The following AGBL2 variants were observed in gnomAD, a reference collection of about 807,000 sequenced individuals.
AGBL2 encodes the protein AGBL carboxypeptidase 2, also known as cytosolic carboxypeptidase 2.
In AGBL2, 87 loss-of-function variants were observed where a neutral mutation model predicts 103.0. That is an observed-to-expected ratio of 0.84 (90% confidence interval 0.71 to 1.01). The LOEUF is 1.01. Among genes scored for constraint, AGBL2 ranks in the 50% least tolerant of loss-of-function variants. The probability of loss-of-function intolerance (pLI) is 0.00; values close to 1 mark genes in which losing one functional copy is unlikely to be tolerated. For synonymous variants in AGBL2, 335 were observed against 356.7 expected, an observed-to-expected ratio of 0.94 and a Z score of 0.69; for missense variants, 904 against 1,023.5, an observed-to-expected ratio of 0.88 and a Z score of 1.59.
In AGBL2 at chr11:47,680,089, A is replaced by AC. The variant is rs775357808; in HGVS notation, c.1916-17dup. The AC allele has an allele frequency of 2.2e-4, 291 of 1,349,190 alleles. No homozygotes were observed. The highest frequency in any genetic ancestry group is 2.8e-4 in the Non-Finnish European group (273 of 961,078). The allele number at this position is 1,349,190 out of a possible 1,614,324, so 83.6% of individuals were successfully genotyped here. On this transcript the variant is annotated splice_polypyrimidine_tract_variant and intron_variant, in intron 12 of 18. Transcript: ENST00000525123. ...CTTTTATTACCTGGAAAAAAAAAAAACCCCGCAAACATTTCCAATTAAATC... is the reference window on the plus strand; with the variant it reads ...CTTTTATTACCTGGAAAAAAAAAAAACCCCCGCAAACATTTCCAATTAAATC...
intron 11 of AGBL2, among the ~76,000 whole-genome samples, chr11:47,682,378 G>A (rs2153803708): frequency 6.6e-6 from 1 of 152,244 alleles, no homozygotes; most frequent in Admixed American, 6.6e-5. Flanking sequence ...CTTCCAAAGG[G>A]AAGAGAGTAT....
intron 10 of AGBL2, 76 bp downstream of exon 10, chr11:47,690,000 A>G (rs560602253): frequency 3.1e-5 from 41 of 1,328,076 alleles, no homozygotes; most frequent in Non-Finnish European, 4.1e-5. Context: ...AAGAGACCTC[A>G]TACCCCATCA....
chr11:47,705,943 T>C, intron 4 of AGBL2, 26 bp from the exon 5 acceptor site: 2 of 1,607,986 alleles, frequency 1.2e-6, no homozygotes, highest in Non-Finnish European at 1.7e-6. Context: ...GGAGGCACCC[T>C]TGGTGTCAGG....
chr11:47,707,420 A>G (rs532737332), intron 4 of AGBL2, among the ~76,000 whole-genome samples: 1 of 152,272 alleles, frequency 6.6e-6, no homozygotes, highest in African/African-American at 2.4e-5. Context: ...GGCAGAAGGC[A>G]AGGAGGAGCA....
At chr11:47,694,833 G>T (rs2097460990) in intron 8 of AGBL2, among the ~76,000 whole-genome samples, 1 of 152,154 alleles carries the variant, frequency 6.6e-6, no homozygotes, top group South Asian at 2.1e-4. Flanking sequence ...GGGGAATGGG[G>T]AATAGTAAGT....
chr11:47,694,046 A>G (rs1203610293), intron 8 of AGBL2, among the ~76,000 whole-genome samples: 1 of 152,082 alleles, frequency 6.6e-6, no homozygotes, highest in Non-Finnish European at 1.5e-5. Context: ...CAAAAAATAC[A>G]AAAGTTAGCT....
At chr11:47,683,770 C>CAAAAAAAAA (rs1221104232) in intron 11 of AGBL2, among the ~76,000 whole-genome samples, 1 of 127,570 alleles carries the variant, frequency 7.8e-6, no homozygotes. Flanking sequence ...GACTCCATCT[C>CAAAAAAAAA]AAAAAAAAAA....
At chr11:47,711,734 C>A (rs1327380446) in intron 3 of AGBL2, among the ~76,000 whole-genome samples, 1 of 152,104 alleles carries the variant, frequency 6.6e-6, no homozygotes, top group African/African-American at 2.4e-5. Flanking sequence ...AGGGTTTTGC[C>A]ATGTTGGCCA....
intron 10 of AGBL2, among the ~76,000 whole-genome samples, chr11:47,689,369 C>T (rs2097436242): frequency 6.8e-6 from 1 of 147,978 alleles, no homozygotes; most frequent in East Asian, 2.0e-4. Flanking sequence ...CAGTGGCACG[C>T]TCTTGGCTCA....
chr11:47,703,933 A>AC (rs2097507627), intron 7 of AGBL2, among the ~76,000 whole-genome samples: 2 of 137,300 alleles, frequency 1.5e-5, no homozygotes, highest in African/African-American at 2.5e-5. Context: ...CTCAAAAAAA[A>AC]AAAAAAACAA....
chr11:47,694,150 T>C (rs1183479847), intron 8 of AGBL2, among the ~76,000 whole-genome samples: 1 of 152,022 alleles, frequency 6.6e-6, no homozygotes, highest in African/African-American at 2.4e-5. Flanking sequence ...TGATTTGTGA[T>C]TTTTCCACTG....
chr11:47,676,007 G>GA (rs905545011), intron 14 of AGBL2, among the ~76,000 whole-genome samples: 6 of 151,446 alleles, frequency 4.0e-5, no homozygotes, highest in African/African-American at 1.2e-4. Context: ...CCTGTCTCAA[G>GA]AAAAAAAAGT....
chr11:47,692,766 T>A (rs1045897871), intron 8 of AGBL2, among the ~76,000 whole-genome samples: 2 of 151,840 alleles, frequency 1.3e-5, no homozygotes, highest in Non-Finnish European at 2.9e-5. Flanking sequence ...ATATCTAGAA[T>A]CCACTGCCAC....
chr11:47,698,848 G>C (rs982469643), intron 8 of AGBL2, among the ~76,000 whole-genome samples: 4 of 150,680 alleles, frequency 2.7e-5, no homozygotes, highest in Admixed American at 6.7e-5. Context: ...AATGTACTTT[G>C]TATTATTTTA....
chr11:47,686,551 C>A (rs1022253407), intron 10 of AGBL2, among the ~76,000 whole-genome samples: 1 of 141,360 alleles, frequency 7.1e-6, no homozygotes, highest in Non-Finnish European at 1.5e-5. Context: ...TTGGAGGTGG[C>A]GTCTAGCGAG....
chr11:47,668,822 G>T lies in AGBL2; in HGVS notation c.2214+19C>A. ...TTTTTTTAAGGCTGCTATTTCCTGG[G>T]TATAAGAGTTCAGCTTACCTCATCT... On this transcript the variant is annotated intron_variant, in intron 15 of 18. Transcript: ENST00000525123. The T allele has an allele frequency of 1.2e-6, 2 of 1,602,256 alleles. No homozygotes were observed. Among genetic ancestry groups the T allele is most frequent in the African/African-American group, 2.7e-5 (2 of 74,726 alleles).
chr11:47,712,966 C>T (rs1043847931), intron 3 of AGBL2, among the ~76,000 whole-genome samples: 26 of 151,814 alleles, frequency 1.7e-4, no homozygotes, highest in African/African-American at 5.3e-4. Context: ...CGCTTGACCC[C>T]GCGAGGTGGA....
At chr11:47,690,940 GT>G in intron 9 of AGBL2, 82 bp from the exon 10 acceptor site, 1 of 1,083,834 alleles carries the variant, frequency 9.2e-7, no homozygotes, top group South Asian at 1.6e-5. Context: ...TTTTCTCCTG[GT>G]AAAAACAGGT....
intron 14 of AGBL2, among the ~76,000 whole-genome samples, chr11:47,673,428 C>A (rs2097363458): frequency 6.6e-6 from 1 of 151,896 alleles, no homozygotes; most frequent in South Asian, 2.1e-4. Context: ...GAGTTCGAGA[C>A]CAGCCTGACC....
Sources: allele counts gnomAD v4.1 joint callset (sites outside exome capture counted in the v4.1 genomes callset), GRCh38; gene constraint gnomAD v4.1.1; transcripts MANE v1.5; gene names NCBI Gene and HGNC (gene_info 2026-07-23, HGNC 2026-07-21).